The following KANSL1 variants were observed in gnomAD, a reference collection of about 807,000 sequenced individuals.
KANSL1 encodes KAT8 regulatory NSL complex subunit 1.
In KANSL1, 22 loss-of-function variants were observed where a neutral mutation model predicts 103.6. The ratio of observed to expected loss-of-function variants is 0.21; its 90% confidence interval spans 0.15 to 0.30. KANSL1 has a LOEUF of 0.30. Among genes scored for constraint, KANSL1 ranks in the 10% least tolerant of loss-of-function variants. The pLI, the probability that KANSL1 is intolerant of heterozygous loss-of-function variation, is 1.00. For missense variants in KANSL1, 1,337 were observed against 1,399.8 expected, an observed-to-expected ratio of 0.96 and a Z score of 0.72; for synonymous variants, 600 against 527.6, an observed-to-expected ratio of 1.14 and a Z score of -1.88.
chr17:46,189,906 C>CAAAAAAAAAAA (rs55934305), intron 1 of KANSL1, among the ~76,000 whole-genome samples: 119 of 112,292 alleles, frequency 1.1e-3, no homozygotes, highest in Admixed American at 1.9e-3. Context: ...GACCCTGCCT[C>CAAAAAAAAAAA]AAAAAAAAAA....
At chr17:46,130,387 G>A (rs2043805810) in intron 2 of KANSL1, among the ~76,000 whole-genome samples, 1 of 152,118 alleles carries the variant, frequency 6.6e-6, no homozygotes, top group Admixed American at 6.5e-5. Context: ...TAAAGTAGAG[G>A]ATTTAAATAA....
At position 46,140,417 on chromosome 17, in the gene KANSL1, C is replaced by T. The variant is rs115852311; in HGVS notation, c.1289+30438G>A. Among the ~76,000 whole-genome samples, 318 of 152,172 alleles carry T rather than the reference C, an allele frequency of 2.1e-3. 2 individuals carry two copies. The highest frequency in any genetic ancestry group is 7.2e-3 in the African/African-American group (300 of 41,490). On this transcript the variant is annotated intron_variant, in intron 2 of 14. Transcript: ENST00000432791. ...AAAACTAACTTAAAGTCGATCAAAG[C>T]CCTACTTAAATGTAAGCATTGAAAC...
intron 1 of KANSL1, among the ~76,000 whole-genome samples, chr17:46,182,606 A>G (rs2046843641): frequency 6.6e-6 from 1 of 152,262 alleles, no homozygotes; most frequent in Admixed American, 6.5e-5. Flanking sequence ...AGGATAGGTT[A>G]TTACAAATGT....
At position 46,086,358 on chromosome 17, in the gene KANSL1, A is replaced by T. The variant is rs116108653; in HGVS notation, c.1432-3816T>A. ...CCACAGAGGATGTAGGTCAAAGCTT[A>T]TGTCTCTACAGGCCAATACATGGCA... is the stretch of plus-strand genomic sequence containing the variant. On this transcript the variant is annotated intron_variant, in intron 3 of 14. Coordinates refer to ENST00000432791, the MANE Select transcript of KANSL1 (RefSeq NM_015443.4). Among the ~76,000 whole-genome samples the T allele has an allele frequency of 8.5e-3, 1,288 of 152,326 alleles. 18 individuals carry two copies. Among genetic ancestry groups the T allele is most frequent in the African/African-American group, 0.027 (1,103 of 41,576 alleles).
intron 6 of KANSL1, among the ~76,000 whole-genome samples, chr17:46,053,086 G>A (rs745501273): frequency 2.1e-4 from 31 of 148,518 alleles, no homozygotes; most frequent in East Asian, 1.2e-3. Flanking sequence ...TCAGGAGTTC[G>A]AGACCAGCCT....
At position 46,033,118 on chromosome 17, in the gene KANSL1, C is replaced by T. The variant is rs1176182589; in HGVS notation, c.2799G>A (p.Leu933=). The change falls in exon 13 of 15, where the codon CTG becomes CTA. Residue 933 remains leucine (L), a synonymous_variant. Coordinates refer to ENST00000432791, the MANE Select transcript of KANSL1 (RefSeq NM_015443.4). Reference sequence around the variant, plus strand: ...GCTGGGGTGGCACACTCGTGGTCCACAGCCACCGTGCCCTCTCCATCTCCT... The same window carrying T: ...GCTGGGGTGGCACACTCGTGGTCCATAGCCACCGTGCCCTCTCCATCTCCT... The part of the protein sequence containing the change: ...KCEEMERARW[L]WTTSVPPQRR... 1 of 1,601,416 alleles carries T rather than the reference C, an allele frequency of 6.2e-7. No individual in the cohort carries two copies. The highest frequency in any genetic ancestry group is 1.1e-5 in the South Asian group (1 of 88,604).
intron 2 of KANSL1, among the ~76,000 whole-genome samples, chr17:46,147,139 A>C (rs571971791): frequency 3.9e-5 from 6 of 152,372 alleles, no homozygotes; most frequent in African/African-American, 1.4e-4. Context: ...TGACCTTGAA[A>C]AGCCATAGTA....
chr17:46,131,237 T>C (rs1398360062), intron 2 of KANSL1, among the ~76,000 whole-genome samples: 3 of 152,228 alleles, frequency 2.0e-5, no homozygotes, highest in Admixed American at 2.0e-4. Flanking sequence ...GTTGTTCAAA[T>C]CAATGGGTGA....
intron 2 of KANSL1, among the ~76,000 whole-genome samples, chr17:46,134,917 T>C (rs531240745): frequency 5.3e-5 from 8 of 152,114 alleles, no homozygotes; most frequent in Admixed American, 1.3e-4. Context: ...AACTAAACCC[T>C]GAGGTACTTT....
chr17:46,059,726 T>C (rs1279409188), intron 6 of KANSL1, among the ~76,000 whole-genome samples: 1 of 150,582 alleles, frequency 6.6e-6, no homozygotes, highest in Non-Finnish European at 1.5e-5. Flanking sequence ...CAGACTGTTA[T>C]CTTTTTGAGA....
intron 1 of KANSL1, among the ~76,000 whole-genome samples, chr17:46,201,306 G>A (rs1056856605): frequency 1.8e-4 from 27 of 152,198 alleles, no homozygotes; most frequent in Non-Finnish European, 3.8e-4. Flanking sequence ...AGTAACCAAA[G>A]CCACTGAATA....
chr17:46,111,408 C>T (rs896242627), intron 2 of KANSL1, among the ~76,000 whole-genome samples: 2 of 152,188 alleles, frequency 1.3e-5, no homozygotes, highest in Admixed American at 6.5e-5. Context: ...TAGGGTTTCA[C>T]CATGTTGGCC....
At chr17:46,217,686 T>G (rs2458206) in intron 1 of KANSL1, among the ~76,000 whole-genome samples, 1 of 150,340 alleles carries the variant, frequency 6.7e-6, no homozygotes, top group South Asian at 2.1e-4. Flanking sequence ...GTCAGGAGTT[T>G]GAGACCAGCC....
intron 1 of KANSL1, among the ~76,000 whole-genome samples, chr17:46,206,083 CAAAAA>C (rs71226716): frequency 1.1e-5 from 1 of 89,598 alleles, no homozygotes; most frequent in African/African-American, 5.1e-5. Context: ...CTGTGTCCCC[CAAAAA>C]AAAAAAAAAA....
At chr17:46,054,653 T>A (rs1035133913) in intron 6 of KANSL1, among the ~76,000 whole-genome samples, 9 of 152,236 alleles carry the variant, frequency 5.9e-5, no homozygotes, top group Admixed American at 2.0e-4. Flanking sequence ...GTCGCCTCTA[T>A]CCCCTCTCTC....
At chr17:46,033,219 C>A in intron 12 of KANSL1, 27 bp from the exon 13 acceptor site, 1 of 1,544,694 alleles carries the variant, frequency 6.5e-7, no homozygotes. Flanking sequence ...TCATCGATCC[C>A]CTCTTTTCTC....
chr17:46,205,378 G>T (rs55921138), intron 1 of KANSL1, among the ~76,000 whole-genome samples: 8 of 150,660 alleles, frequency 5.3e-5, no homozygotes, highest in Non-Finnish European at 1.0e-4. Context: ...GCATCCCCCC[G>T]CCAAAAAAAA....
At chr17:46,164,771 C>T (rs2045913428) in intron 2 of KANSL1, among the ~76,000 whole-genome samples, 3 of 152,218 alleles carry the variant, frequency 2.0e-5, no homozygotes, top group Admixed American at 1.3e-4. Context: ...TAAACAGTCA[C>T]ATTTCAAAGT....
chr17:46,181,882 T>C (rs1411619236), intron 1 of KANSL1, among the ~76,000 whole-genome samples: 1 of 151,706 alleles, frequency 6.6e-6, no homozygotes, highest in African/African-American at 2.4e-5. Context: ...GTCCTTCTTC[T>C]ACTTTTTTTT....
Sources: allele counts gnomAD v4.1 joint callset (sites outside exome capture counted in the v4.1 genomes callset), GRCh38; gene constraint gnomAD v4.1.1; transcripts MANE v1.5; gene names NCBI Gene and HGNC (gene_info 2026-07-23, HGNC 2026-07-21).